Variants in AGBL4 observed in about 807,000 individuals in gnomAD.
AGBL4 encodes AGBL carboxypeptidase 4, also known as cytosolic carboxypeptidase 6.
In AGBL4, 58 loss-of-function variants were observed where a neutral mutation model predicts 66.4. That is an observed-to-expected ratio of 0.87 (90% CI 0.71 to 1.09). The LOEUF is 1.09. Among genes scored for constraint, AGBL4 ranks in the 50% least tolerant of loss-of-function variants. The probability of loss-of-function intolerance (pLI) is 0.00; values close to 1 mark genes in which losing one functional copy is unlikely to be tolerated. For synonymous variants in AGBL4, 234 were observed against 222.9 expected (o/e 1.05, Z -0.44); for missense variants, 579 against 631.0 (o/e 0.92, Z 0.88).
At chr1:49,533,371 T>TCAA (rs1387723463) in intron 3 of AGBL4, among the ~76,000 whole-genome samples, 4 of 152,228 alleles carry the variant, frequency 2.6e-5, no homozygotes, top group Non-Finnish European at 5.9e-5. Context: ...TGCTTAATCC[T>TCAA]GGTAATGATC....
chr1:48,640,331 G>A (rs1645734217), intron 8 of AGBL4, among the ~76,000 whole-genome samples: 1 of 152,148 alleles, frequency 6.6e-6, no homozygotes, highest in Non-Finnish European at 1.5e-5. Context: ...TAATGTGTGA[G>A]TTATCTTTCC....
At chr1:49,509,359 G>A (rs1648988130) in intron 3 of AGBL4, among the ~76,000 whole-genome samples, 1 of 151,824 alleles carries the variant, frequency 6.6e-6, no homozygotes, top group Admixed American at 6.6e-5. Context: ...GTATTTACAT[G>A]CATTATTTTA....
chr1:49,535,962 A>AT (rs1437456776), intron 3 of AGBL4, among the ~76,000 whole-genome samples: 2 of 152,240 alleles, frequency 1.3e-5, no homozygotes, highest in African/African-American at 4.8e-5. Flanking sequence ...AAGTGCTGGG[A>AT]TTACAGGCGT....
intron 3 of AGBL4, among the ~76,000 whole-genome samples, chr1:49,503,728 T>C (rs550260319): frequency 6.6e-6 from 1 of 152,196 alleles, no homozygotes; most frequent in East Asian, 1.9e-4. Flanking sequence ...ATGGGGCCTA[T>C]GGCCCTTTTG....
chr1:48,787,023 C>T (rs1460111783), intron 6 of AGBL4, among the ~76,000 whole-genome samples: 3 of 152,110 alleles, frequency 2.0e-5, no homozygotes, highest in African/African-American at 4.8e-5. Flanking sequence ...TAGTCCTGGA[C>T]GTAGGTACTA....
At chr1:48,649,688 T>C (rs1245537420) in intron 8 of AGBL4, among the ~76,000 whole-genome samples, 1 of 152,218 alleles carries the variant, frequency 6.6e-6, no homozygotes, top group Non-Finnish European at 1.5e-5. Context: ...TAGGTACTTG[T>C]ATTATTAAAT....
At chr1:49,163,456 C>T (rs921346220) in intron 4 of AGBL4, among the ~76,000 whole-genome samples, 1 of 152,150 alleles carries the variant, frequency 6.6e-6, no homozygotes, top group African/African-American at 2.4e-5. Context: ...CTATTTGCTT[C>T]CATAGGATTC....
intron 4 of AGBL4, among the ~76,000 whole-genome samples, chr1:49,186,240 C>A (rs977232564): frequency 6.6e-6 from 1 of 152,164 alleles, no homozygotes; most frequent in Non-Finnish European, 1.5e-5. Flanking sequence ...CTAGAATACA[C>A]CCCATTCAGC....
At chr1:49,549,531 T>A (rs530747979) in intron 3 of AGBL4, among the ~76,000 whole-genome samples, 37 of 152,312 alleles carry the variant, frequency 2.4e-4, no homozygotes, top group Non-Finnish European at 3.5e-4. Context: ...TTGATTTTGT[T>A]TTTGACCCAA....
chr1:48,697,081 C>T (rs1646724025), intron 6 of AGBL4, among the ~76,000 whole-genome samples: 1 of 152,166 alleles, frequency 6.6e-6, no homozygotes, highest in Non-Finnish European at 1.5e-5. Context: ...GTTTCTATAT[C>T]TGGGTAATAT....
chr1:49,706,214 C>T (rs999441876), intron 2 of AGBL4, among the ~76,000 whole-genome samples: 5 of 152,100 alleles, frequency 3.3e-5, no homozygotes, highest in Admixed American at 1.3e-4. Flanking sequence ...TAATTACTGC[C>T]TCAACTTCAG....
chr1:48,738,382 T>G (rs746470699), intron 6 of AGBL4, among the ~76,000 whole-genome samples: 9 of 152,238 alleles, frequency 5.9e-5, no homozygotes, highest in Non-Finnish European at 8.8e-5. Context: ...TCAGGAAAGA[T>G]AAGCAGCCTT....
chr1:48,934,645 C>T (rs1347155347), intron 5 of AGBL4, among the ~76,000 whole-genome samples: 3 of 152,142 alleles, frequency 2.0e-5, no homozygotes, highest in Non-Finnish European at 4.4e-5. Flanking sequence ...CATCACCACC[C>T]ACCTGGTTCC....
chr1:49,866,907 G>A (rs1320290246), intron 1 of AGBL4, among the ~76,000 whole-genome samples: 1 of 151,870 alleles, frequency 6.6e-6, no homozygotes, highest in Non-Finnish European at 1.5e-5. Flanking sequence ...AATGTTCTTG[G>A]CGTGGGTCTC....
chr1:48,561,815 T>C (rs1260390122), intron 11 of AGBL4, among the ~76,000 whole-genome samples: 2 of 152,192 alleles, frequency 1.3e-5, no homozygotes, highest in Non-Finnish European at 2.9e-5. Flanking sequence ...TCAGCTCTCC[T>C]GTTTCTCAGG....
At position 49,997,001 on chromosome 1, in the gene AGBL4, T is replaced by C. The variant is rs554959922; in HGVS notation, c.34+26762A>G. Among the ~76,000 whole-genome samples the C allele has an allele frequency of 2.6e-5, 4 of 152,282 alleles. No homozygotes were observed. In the South Asian group the frequency reaches 6.2e-4, roughly 24 times the overall value. On this transcript the variant is annotated intron_variant, in intron 1 of 13. Transcript: ENST00000371839. The stretch of plus-strand genomic sequence containing the variant: ...AAGGAGATAGTCTTTTTATAATAAA[T>C]GCTGAGAGGATTTGCCAAAATCAAA...
rs115431801 is a variant in AGBL4, at chr1:49,505,775, T to C, written c.282+191538A>G. On this transcript the variant is annotated intron_variant, in intron 3 of 13. Transcript: ENST00000371839. ...CTGTATCTGGATATATATACATCTT[T>C]CCCTGGATTTGGAATATTTTCTGTT... is the stretch of plus-strand genomic sequence containing the variant. Among the ~76,000 whole-genome samples, 3 of 151,998 alleles carry C rather than the reference T, an allele frequency of 2.0e-5. No homozygotes were observed. The South Asian group carries it at 6.2e-4, about 32-fold the overall frequency.
intron 3 of AGBL4, among the ~76,000 whole-genome samples, chr1:49,307,616 AGTGCTAGTCAACTAGCCTAACAATG>A (rs2148455111): frequency 6.6e-6 from 1 of 152,308 alleles, no homozygotes; most frequent in South Asian, 2.1e-4. Flanking sequence ...AATGCCTACT[AGTGCTAGTCAACTAGCCTAACAATG>A]CCCTAGGCTT....
intron 6 of AGBL4, among the ~76,000 whole-genome samples, chr1:48,712,473 G>T (rs997651265): frequency 2.6e-5 from 4 of 152,152 alleles, no homozygotes; most frequent in Non-Finnish European, 4.4e-5. Context: ...TCTCAATGTT[G>T]TTGTGAATTA....
Sources: gnomAD v4.1 joint callset for allele counts (sites outside exome capture counted in the v4.1 genomes callset) on GRCh38, gnomAD v4.1.1 for gene constraint, MANE v1.5 for transcripts, NCBI Gene and HGNC (gene_info 2026-07-23, HGNC 2026-07-21) for gene names.